Variants in HDAC9 observed in about 807,000 individuals in gnomAD.
HDAC9 encodes the protein histone deacetylase 9, also known as MEF-2 interacting transcription repressor (MITR) protein.
A neutral mutation model predicts 139.4 loss-of-function variants in HDAC9; 41 were observed. The ratio of observed to expected loss-of-function variants is 0.29; its 90% confidence interval spans 0.23 to 0.38. The LOEUF is 0.38. Ranked by LOEUF, HDAC9 falls within the 10% of genes least tolerant of loss-of-function variation. HDAC9 has a pLI of 1.00. For synonymous variants in HDAC9, 517 were observed against 476.2 expected (o/e 1.09, Z -1.12); for missense variants, 1,147 against 1,297.0 (o/e 0.88, Z 1.78).
chr7:18,352,326 C>A (rs1782912260), intron 1 of HDAC9, among the ~76,000 whole-genome samples: 1 of 152,098 alleles, frequency 6.6e-6, no homozygotes, highest in South Asian at 2.1e-4. Flanking sequence ...GATAGAAGAG[C>A]TGAGACAATA....
At chr7:18,520,719 G>C (rs545206426) in intron 2 of HDAC9, among the ~76,000 whole-genome samples, 1 of 152,246 alleles carries the variant, frequency 6.6e-6, no homozygotes, top group East Asian at 1.9e-4. Context: ...CTTGGAAACA[G>C]TTACCTGACA....
chr7:18,594,257 T>C (rs1222424457), intron 6 of HDAC9, among the ~76,000 whole-genome samples: 1 of 152,092 alleles, frequency 6.6e-6, no homozygotes, highest in Non-Finnish European at 1.5e-5. Flanking sequence ...AAGTTTATCA[T>C]ATTTGAACTT....
chr7:18,945,014 A>C (rs10281766), intron 23 of HDAC9, among the ~76,000 whole-genome samples: 1 of 152,130 alleles, frequency 6.6e-6, no homozygotes. Flanking sequence ...TGGACATTTT[A>C]TATGTGTTTC....
intron 22 of HDAC9, among the ~76,000 whole-genome samples, chr7:18,912,080 G>T (rs1378150917): frequency 6.6e-6 from 1 of 152,030 alleles, no homozygotes; most frequent in African/African-American, 2.4e-5. Context: ...GCTAAGAGTG[G>T]GGTATTGAAG....
chr7:18,531,009 G>A (rs770250350), intron 2 of HDAC9, among the ~76,000 whole-genome samples: 14 of 151,896 alleles, frequency 9.2e-5, no homozygotes, highest in African/African-American at 3.1e-4. Context: ...TTTTTTACTC[G>A]TATGCTTCTA....
chr7:18,131,753 A>G (rs998163558), intron 1 of HDAC9, among the ~76,000 whole-genome samples: 4 of 152,144 alleles, frequency 2.6e-5, no homozygotes. Context: ...CCTCAGTGCT[A>G]GCAAAGGGTT....
intron 1 of HDAC9, among the ~76,000 whole-genome samples, chr7:18,436,721 A>C (rs1420063703): frequency 6.6e-6 from 1 of 152,210 alleles, no homozygotes; most frequent in African/African-American, 2.4e-5. Flanking sequence ...ATTTTAATAC[A>C]CAATTTATAG....
At chr7:18,093,618 G>T (rs1291822444) in intron 1 of HDAC9, among the ~76,000 whole-genome samples, 1 of 152,138 alleles carries the variant, frequency 6.6e-6, no homozygotes, top group African/African-American at 2.4e-5. Context: ...AAAATCAAAA[G>T]CACTGTGTCT....
chr7:18,443,608 A>G (rs896040044), intron 1 of HDAC9, among the ~76,000 whole-genome samples: 1 of 152,106 alleles, frequency 6.6e-6, no homozygotes, highest in African/African-American at 2.4e-5. Context: ...ATATTAGTAA[A>G]CCCTCAAGAC....
At chr7:18,731,376 C>G (rs1309637788) in intron 13 of HDAC9, among the ~76,000 whole-genome samples, 1 of 152,060 alleles carries the variant, frequency 6.6e-6, no homozygotes, top group Admixed American at 6.6e-5. Flanking sequence ...AAGAGCTATA[C>G]TTTTTGGTGC....
chr7:18,098,957 C>T (rs1782680256), intron 1 of HDAC9, among the ~76,000 whole-genome samples: 1 of 152,122 alleles, frequency 6.6e-6, no homozygotes, highest in Admixed American at 6.5e-5. Context: ...TAAACATTCT[C>T]CTAAAAAGCC....
At chr7:18,822,668 A>G (rs1795075805) in intron 17 of HDAC9, among the ~76,000 whole-genome samples, 1 of 152,058 alleles carries the variant, frequency 6.6e-6, no homozygotes, top group South Asian at 2.1e-4. Flanking sequence ...TTTCTTTTTT[A>G]TGTCATAGGT....
intron 21 of HDAC9, among the ~76,000 whole-genome samples, chr7:18,848,563 C>T (rs112225664): frequency 5.9e-5 from 9 of 151,696 alleles, no homozygotes; most frequent in East Asian, 5.8e-4. Flanking sequence ...CCGGTGAGAG[C>T]GCTCTCATCA....
chr7:18,492,189 G>A (rs565811006), upstream of HDAC9, among the ~76,000 whole-genome samples: 4 of 151,884 alleles, frequency 2.6e-5, no homozygotes, highest in South Asian at 2.1e-4. Flanking sequence ...GATTGTAGAC[G>A]TGAGAGATTT....
intron 22 of HDAC9, among the ~76,000 whole-genome samples, chr7:18,883,992 G>T (rs1799934066): frequency 1.3e-5 from 2 of 152,090 alleles, no homozygotes; most frequent in African/African-American, 4.8e-5. Flanking sequence ...TTTAACCAAG[G>T]AGGTGAAAGA....
At chr7:18,791,710 A>G (rs754016605) in intron 16 of HDAC9, among the ~76,000 whole-genome samples, 3 of 152,164 alleles carry the variant, frequency 2.0e-5, no homozygotes, top group Non-Finnish European at 4.4e-5. Context: ...TCTGTGTGAG[A>G]GTCCCGTGGT....
At chr7:18,755,889 A>G (rs996608675) in intron 14 of HDAC9, among the ~76,000 whole-genome samples, 1 of 152,192 alleles carries the variant, frequency 6.6e-6, no homozygotes, top group Admixed American at 6.6e-5. Context: ...TTGAAGATTG[A>G]TAATATTTTT....
At chr7:18,767,065 C>A (rs762777342) in intron 15 of HDAC9, 41 bp from the exon 16 acceptor site, 1 of 933,570 alleles carries the variant, frequency 1.1e-6, no homozygotes, top group Non-Finnish European at 1.6e-6. Context: ...AATTATATAA[C>A]CTCCATTTAT....
At chr7:18,289,581 T>A (rs1299093143), upstream of HDAC9, among the ~76,000 whole-genome samples, 1 of 152,212 alleles carries the variant, frequency 6.6e-6, no homozygotes. Flanking sequence ...TTCAGACTTT[T>A]TTTTTCTAAT....
Sources: allele counts gnomAD v4.1 joint callset (sites outside exome capture counted in the v4.1 genomes callset), GRCh38; gene constraint gnomAD v4.1.1; transcripts MANE v1.5; gene names NCBI Gene and HGNC (gene_info 2026-07-23, HGNC 2026-07-21).